Variants in ANKH observed in about 807,000 individuals in gnomAD.
ANKH encodes the protein ANKH inorganic pyrophosphate transport regulator.
Under a neutral mutation model 49.0 loss-of-function variants are expected in ANKH, and 15 were observed. That is an observed-to-expected ratio of 0.31 (90% CI 0.20 to 0.47). The LOEUF is 0.47. Among genes scored for constraint, ANKH ranks in the 20% least tolerant of loss-of-function variants. The pLI, the probability that ANKH is intolerant of heterozygous loss-of-function variation, is 1.00. For missense variants in ANKH, 429 were observed against 652.0 expected (o/e 0.66, Z 3.72); for synonymous variants, 273 against 260.0 (o/e 1.05, Z -0.48).
chr5:14,745,803 A>G lies in ANKH; in HGVS notation c.915+67T>C, dbSNP rs571005373. On this transcript the variant is annotated intron_variant, in intron 7 of 11. Transcript: ENST00000284268. The surrounding 1 kb of genome is among the most constrained non-coding windows in gnomAD (Gnocchi z 4.7). ...GAAGCAACAAAGTGTCCCTCATCAG[A>G]GAGCCCTGTCTATCAAGAAGTCATT... The G allele has an allele frequency of 7.1e-7, 1 of 1,403,936 alleles. No individual in the cohort carries two copies. The highest frequency in any genetic ancestry group is 1.4e-5 in the African/African-American group (1 of 71,050). The allele number at this position is 1,403,936 out of a possible 1,614,324, so 87.0% of individuals were successfully genotyped here. A position where few individuals can be genotyped will look rare whatever the true frequency, so the allele number is the denominator to read the frequency against.
chr5:14,824,676 G>T (rs533199025), intron 1 of ANKH, among the ~76,000 whole-genome samples: 1 of 152,288 alleles, frequency 6.6e-6, no homozygotes, highest in East Asian at 1.9e-4. Context: ...TGGTTCCCAA[G>T]GTGGTGCTGA....
chr5:14,837,274 G>T (rs1741682584), intron 1 of ANKH, among the ~76,000 whole-genome samples: 1 of 152,096 alleles, frequency 6.6e-6, no homozygotes, highest in African/African-American at 2.4e-5. Context: ...TAGACAAATG[G>T]GATCTAATTA....
At chr5:14,723,368 A>AAG (rs34962615) in intron 8 of ANKH, among the ~76,000 whole-genome samples, 3 of 150,344 alleles carry the variant, frequency 2.0e-5, no homozygotes, top group Non-Finnish European at 4.4e-5. Flanking sequence ...AAAAAAAAAA[A>AAG]GTTAAAAAAA....
chr5:14,843,096 C>T (rs945732322), intron 1 of ANKH, among the ~76,000 whole-genome samples: 1 of 151,800 alleles, frequency 6.6e-6, no homozygotes, highest in African/African-American at 2.4e-5. Context: ...TAATTGCCTA[C>T]AACTCAGCAG....
chr5:14,752,694 G>A (rs1449300790), intron 4 of ANKH, among the ~76,000 whole-genome samples: 2 of 152,126 alleles, frequency 1.3e-5, no homozygotes, highest in African/African-American at 2.4e-5. Context: ...CAGGACTGCA[G>A]CGGGGAGAGG....
At chr5:14,717,165 A>G (rs1334510431) in intron 8 of ANKH, 4 of 343,648 alleles carry the variant, frequency 1.2e-5, no homozygotes, top group Admixed American at 3.9e-5. Flanking sequence ...GAGAGTGCCA[A>G]ACAGCTCAGC....
At chr5:14,788,783 G>T (rs1191194650) in intron 1 of ANKH, among the ~76,000 whole-genome samples, 1 of 152,128 alleles carries the variant, frequency 6.6e-6, no homozygotes, top group South Asian at 2.1e-4. Context: ...AGTCACACAG[G>T]TTAATAATAC....
intron 8 of ANKH, among the ~76,000 whole-genome samples, chr5:14,721,929 C>CAAAAA (rs35821509): frequency 5.0e-5 from 3 of 59,464 alleles, no homozygotes; most frequent in East Asian, 5.5e-4. Flanking sequence ...GACTCCGTCT[C>CAAAAA]AAAAAAAAAA....
intron 1 of ANKH, among the ~76,000 whole-genome samples, chr5:14,772,383 C>T (rs1409258652): frequency 1.3e-5 from 2 of 152,126 alleles, no homozygotes; most frequent in African/African-American, 4.8e-5. Flanking sequence ...TGTATGCTAG[C>T]CGTAGGAACT....
At chr5:14,864,171 C>T (rs1253704293) in intron 1 of ANKH, among the ~76,000 whole-genome samples, 5 of 152,184 alleles carry the variant, frequency 3.3e-5, no homozygotes, top group Admixed American at 3.3e-4. Context: ...TGTGTTTGCA[C>T]CATTGTTCTC....
chr5:14,723,888 A>T (rs1009527158), intron 8 of ANKH, among the ~76,000 whole-genome samples: 13 of 152,218 alleles, frequency 8.5e-5, no homozygotes, highest in Admixed American at 8.5e-4. Flanking sequence ...ACCTCTTTAG[A>T]AACTAACCAC....
intron 1 of ANKH, among the ~76,000 whole-genome samples, chr5:14,864,663 C>T (rs1265712115): frequency 6.6e-6 from 1 of 152,174 alleles, no homozygotes. Context: ...ACATTACCTA[C>T]TTAATACACA....
chr5:14,869,641 T>G (rs1342925337), intron 1 of ANKH: 1 of 152,270 alleles, frequency 6.6e-6, no homozygotes, highest in Non-Finnish European at 1.5e-5. Context: ...ACCTCCCTTT[T>G]GTGACTTCAG....
At chr5:14,723,160 C>G (rs910652051) in intron 8 of ANKH, among the ~76,000 whole-genome samples, 2 of 152,030 alleles carry the variant, frequency 1.3e-5, no homozygotes, top group Admixed American at 6.6e-5. Flanking sequence ...GATCCTGGAA[C>G]AGAAAGAGCT....
chr5:14,755,852 C>A lies in ANKH; in HGVS notation c.516+9G>T. ...GAGGAGCTCTGATTGACACACAGAC[C>A]ATATTTACCTGAGCTATGACATCTG... On this transcript the variant is annotated intron_variant, in intron 4 of 11. Coordinates refer to ENST00000284268, the MANE Select transcript of ANKH (RefSeq NM_054027.6). 3.1e-6 allele frequency: 5 copies of A among 1,613,422 alleles called. No homozygotes were observed. Among genetic ancestry groups the A allele is most frequent in the Non-Finnish European group, 4.2e-6 (5 of 1,179,358 alleles).
intron 7 of ANKH, among the ~76,000 whole-genome samples, chr5:14,743,847 A>G (rs1738444383): frequency 6.6e-6 from 1 of 152,224 alleles, no homozygotes; most frequent in Admixed American, 6.5e-5. Context: ...TGTGATCAAG[A>G]ATAAAACAAT....
intron 9 of ANKH, among the ~76,000 whole-genome samples, chr5:14,716,304 A>C (rs1561020788): frequency 1.3e-5 from 2 of 152,116 alleles, no homozygotes; most frequent in African/African-American, 2.4e-5. Context: ...ACCAGCCTGG[A>C]CAACATGGTG....
intron 1 of ANKH, among the ~76,000 whole-genome samples, chr5:14,813,873 C>T (rs1166600034): frequency 6.6e-6 from 1 of 152,170 alleles, no homozygotes; most frequent in Non-Finnish European, 1.5e-5. Context: ...ATGATCTGTG[C>T]CATATTCTTC....
intron 1 of ANKH, among the ~76,000 whole-genome samples, chr5:14,805,921 G>A (rs1740698126): frequency 6.6e-6 from 1 of 152,160 alleles, no homozygotes; most frequent in Non-Finnish European, 1.5e-5. Flanking sequence ...TTCGAAGTCT[G>A]TGCTTCTAAC....
Sources: allele counts gnomAD v4.1 joint callset (sites outside exome capture counted in the v4.1 genomes callset), GRCh38; gene constraint gnomAD v4.1.1; non-coding constraint Gnocchi (gnomAD v3.1); transcripts MANE v1.5; gene names NCBI Gene and HGNC (gene_info 2026-07-23, HGNC 2026-07-21).